Variants in PPP2R5C observed in about 807,000 individuals in gnomAD.
The protein encoded by PPP2R5C is serine/threonine-protein phosphatase 2A 56 kDa regulatory subunit gamma isoform.
Under a neutral mutation model 68.9 loss-of-function variants are expected in PPP2R5C, and 7 were observed. That is an observed-to-expected ratio of 0.10 (90% confidence interval 0.06 to 0.19). The LOEUF is 0.19. Among genes scored for constraint, PPP2R5C ranks in the 10% least tolerant of loss-of-function variants. The pLI, the probability that PPP2R5C is intolerant of heterozygous loss-of-function variation, is 1.00. For synonymous variants in PPP2R5C, 210 were observed against 222.2 expected (o/e 0.95, Z 0.49); for missense variants, 348 against 641.3 (o/e 0.54, Z 4.94).
At chr14:101,921,846 T>C (rs1322225105) in intron 13 of PPP2R5C, 1 of 463,422 alleles carries the variant, frequency 2.2e-6, no homozygotes, top group Non-Finnish European at 2.8e-6. Flanking sequence ...ACCATGTATC[T>C]ACCTATCCTT....
chr14:101,762,860 TCTAAAAAGTGAGAAGA>T (rs759372371), intron 1 of PPP2R5C, 29 bp from the exon 2 acceptor site: 12 of 1,503,142 alleles, frequency 8.0e-6, no homozygotes, highest in Non-Finnish European at 1.1e-5. Flanking sequence ...TGTTTACCTG[TCTAAAAAGTGAGAAGA>T]CTAATTGACT....
At chr14:101,897,716 C>T (rs2045432144) in intron 8 of PPP2R5C, among the ~76,000 whole-genome samples, 1 of 151,906 alleles carries the variant, frequency 6.6e-6, no homozygotes, top group Non-Finnish European at 1.5e-5. Flanking sequence ...TTTGCAACAC[C>T]CTCACAGGCA....
chr14:101,837,936 C>A (rs1348480983), intron 1 of PPP2R5C, among the ~76,000 whole-genome samples: 1 of 152,176 alleles, frequency 6.6e-6, no homozygotes, highest in Non-Finnish European at 1.5e-5. Flanking sequence ...GACTGAGATT[C>A]AGGCTGGGCT....
upstream of PPP2R5C, among the ~76,000 whole-genome samples, chr14:101,805,864 GACTGA>G (rs1421574318): frequency 6.6e-6 from 1 of 152,208 alleles, no homozygotes; most frequent in Non-Finnish European, 1.5e-5. Context: ...AGTTCATAGA[GACTGA>G]AAGTAGAGTG....
In PPP2R5C at chr14:101,797,128, C is replaced by T; in HGVS notation, c.259+10945C>T. 2.2e-6 allele frequency: 1 copy of T among 455,804 alleles called. No individual in the cohort carries two copies. Among genetic ancestry groups the T allele is most frequent in the East Asian group, 7.0e-5 (1 of 14,388 alleles). The allele number at this position is 455,804 out of a possible 1,614,324, so 28.2% of individuals were successfully genotyped here. On this transcript the variant is annotated intron_variant, in intron 3 of 14. Coordinates refer to the PPP2R5C transcript ENST00000328724. This position sits in a 1 kb window ranked among gnomAD's most constrained non-coding sequence, Gnocchi z 4.2. ...CTTTCTGTCTCTATGATTTTGCCCA[C>T]AGTAGGAGCCTCTTAGAAGCGGAAT...
At chr14:101,907,916 G>C (rs188929614) in intron 10 of PPP2R5C, among the ~76,000 whole-genome samples, 2 of 152,136 alleles carry the variant, frequency 1.3e-5, no homozygotes, top group Non-Finnish European at 2.9e-5. Flanking sequence ...CCAGACCCCC[G>C]AGCGAGCGTC....
intron 1 of PPP2R5C, among the ~76,000 whole-genome samples, chr14:101,846,536 A>T (rs1015123844): frequency 6.6e-6 from 1 of 152,252 alleles, no homozygotes; most frequent in African/African-American, 2.4e-5. Flanking sequence ...TTTTGAAGTT[A>T]TGTAGGTGCT....
intron 2 of PPP2R5C, among the ~76,000 whole-genome samples, chr14:101,858,266 AATCTC>A (rs1215215992): frequency 6.6e-6 from 1 of 152,110 alleles, no homozygotes; most frequent in African/African-American, 2.4e-5. Context: ...GAATCATAAA[AATCTC>A]TAATATTTTC....
chr14:101,788,319 A>G (rs193031701), intron 3 of PPP2R5C, among the ~76,000 whole-genome samples: 1 of 152,148 alleles, frequency 6.6e-6, no homozygotes, highest in South Asian at 2.1e-4. Flanking sequence ...TCTCCTTAAG[A>G]TGTTAAGATT....
At chr14:101,824,112 C>A in intron 1 of PPP2R5C, 2 of 1,288,708 alleles carry the variant, frequency 1.6e-6, no homozygotes, top group Non-Finnish European at 2.0e-6. Context: ...GCTCGCACAT[C>A]CCGAGAGATT....
In PPP2R5C at chr14:101,906,553, T is replaced by C; in HGVS notation, c.1151+24T>C. 1 of 1,578,168 alleles carries C rather than the reference T, an allele frequency of 6.3e-7. No homozygotes were observed. Among genetic ancestry groups the C allele is most frequent in the East Asian group, 2.3e-5 (1 of 44,434 alleles). On this transcript the variant is annotated intron_variant, in intron 10 of 13. Coordinates refer to ENST00000334743, the Ensembl canonical transcript of PPP2R5C. This position sits in a 1 kb window ranked among gnomAD's most constrained non-coding sequence, Gnocchi z 4.0. ...AAGTAAGAAAGAACTGGCTGCCATC[T>C]TTTTCAGTCATTTTAAAATATGGCA...
chr14:101,875,777 G>A (rs2043727879), intron 2 of PPP2R5C, among the ~76,000 whole-genome samples: 1 of 152,214 alleles, frequency 6.6e-6, no homozygotes, highest in South Asian at 2.1e-4. Flanking sequence ...TTCAGTTTAA[G>A]ATTGTGTCTG....
intron 2 of PPP2R5C, among the ~76,000 whole-genome samples, chr14:101,867,304 G>A (rs1028860725): frequency 2.6e-5 from 4 of 151,990 alleles, no homozygotes; most frequent in Admixed American, 6.6e-5. Context: ...CTACTCGGTC[G>A]GGGCTGAGGT....
chr14:101,864,847 A>G (rs2042961558), intron 2 of PPP2R5C, among the ~76,000 whole-genome samples: 1 of 151,932 alleles, frequency 6.6e-6, no homozygotes. Flanking sequence ...AGCTGGGACC[A>G]CCCCGTTTGC....
exon 14 of PPP2R5C, chr14:101,925,389 C>T (rs2047246036): frequency 3.4e-6 from 5 of 1,449,668 alleles, no homozygotes; most frequent in African/African-American, 2.9e-5. Context: ...GGACCCCGTT[C>T]CGTAGGCAAT....
intron 9 of PPP2R5C, among the ~76,000 whole-genome samples, chr14:101,905,218 A>G (rs1463686419): frequency 6.6e-6 from 1 of 152,184 alleles, no homozygotes; most frequent in African/African-American, 2.4e-5. Flanking sequence ...GCCAGGTGCG[A>G]TGGCGCATGC....
chr14:101,800,493 G>A (rs2038812525), intron 3 of PPP2R5C, among the ~76,000 whole-genome samples: 1 of 152,030 alleles, frequency 6.6e-6, no homozygotes, highest in Non-Finnish European at 1.5e-5. Flanking sequence ...AACCCAGGAG[G>A]CAGAGGTTGC....
intron 2 of PPP2R5C, among the ~76,000 whole-genome samples, chr14:101,774,176 A>C (rs1464471307): frequency 6.6e-6 from 1 of 152,210 alleles, no homozygotes; most frequent in African/African-American, 2.4e-5. Context: ...AAGATGAGGC[A>C]CTGGCACAGC....
At chr14:101,768,123 C>A (rs1043125209) in intron 2 of PPP2R5C, among the ~76,000 whole-genome samples, 1 of 152,196 alleles carries the variant, frequency 6.6e-6, no homozygotes, top group Admixed American at 6.5e-5. Flanking sequence ...TGGCCCACTG[C>A]CCCCACCAAC....
Sources: gnomAD v4.1 joint callset for allele counts (sites outside exome capture counted in the v4.1 genomes callset) on GRCh38, gnomAD v4.1.1 for gene constraint, Gnocchi (gnomAD v3.1) non-coding constraint, MANE v1.5 for transcripts, NCBI Gene and HGNC (gene_info 2026-07-23, HGNC 2026-07-21) for gene names.